DLGAP1: variants seen among roughly 807,000 people sequenced by gnomAD.
DLGAP1 encodes the protein DLG associated protein 1, also known as disks large-associated protein 1.
A neutral mutation model predicts 90.8 loss-of-function variants in DLGAP1; 11 were observed. That is an observed-to-expected ratio of 0.12 (90% CI 0.08 to 0.20). The LOEUF (loss-of-function observed/expected upper bound fraction) is 0.20, where lower values mean the gene tolerates loss of function less well. DLGAP1 is among the 10% of genes least tolerant of loss of function. The pLI is 1.00. For missense variants in DLGAP1, 1,050 were observed against 1,333.8 expected, an observed-to-expected ratio of 0.79 and a Z score of 3.31; for synonymous variants, 558 against 540.7, an observed-to-expected ratio of 1.03 and a Z score of -0.44.
chr18:3,759,383 C>G (rs1352505208), intron 5 of DLGAP1, among the ~76,000 whole-genome samples: 1 of 152,192 alleles, frequency 6.6e-6, no homozygotes, highest in Non-Finnish European at 1.5e-5. Context: ...TGGAATAACC[C>G]ATTTTAGTTA....
chr18:3,680,044 C>T (rs2060456023), intron 7 of DLGAP1: 1 of 152,010 alleles, frequency 6.6e-6, no homozygotes, highest in Admixed American at 6.6e-5. Context: ...AAATGTGAAC[C>T]ATTTCTCAAG....
chr18:3,991,209 A>G (rs2149051563), intron 3 of DLGAP1, among the ~76,000 whole-genome samples: 1 of 152,270 alleles, frequency 6.6e-6, no homozygotes, highest in East Asian at 1.9e-4. Context: ...CATTTCCTGT[A>G]TCTCTAAAGC....
At position 3,814,041 on chromosome 18, in the gene DLGAP1, A is replaced by C. The variant is rs770539020; in HGVS notation, c.1172+18T>G. 8.7e-6 allele frequency: 14 copies of C among 1,611,844 alleles called. No homozygotes were observed. Among genetic ancestry groups the C allele is most frequent in the African/African-American group, 2.7e-5 (2 of 75,016 alleles). On this transcript the variant is annotated intron_variant, in intron 5 of 12. Transcript: ENST00000315677. ...CAAGCACCTGGACTATCGCAAGTGC[A>C]GGGTTAGGACTACTCACTTGAGTGT...
intron 1 of DLGAP1, among the ~76,000 whole-genome samples, chr18:4,387,487 A>AT (rs1234037117): frequency 2.0e-5 from 3 of 152,214 alleles, no homozygotes; most frequent in African/African-American, 7.2e-5. Context: ...CATGACTATT[A>AT]TGCTGCTTAT....
intron 10 of DLGAP1, among the ~76,000 whole-genome samples, chr18:3,531,126 T>C (rs1317843223): frequency 1.3e-5 from 2 of 152,182 alleles, no homozygotes; most frequent in Admixed American, 1.3e-4. Context: ...TGATTTATAG[T>C]AGATGTTAAA....
chr18:4,055,349 G>A (rs140200610), intron 2 of DLGAP1, among the ~76,000 whole-genome samples: 1 of 152,180 alleles, frequency 6.6e-6, no homozygotes, highest in South Asian at 2.1e-4. Context: ...ATTGCACACC[G>A]TGAGAGTTTG....
chr18:4,157,007 T>C (rs987114259), intron 1 of DLGAP1, among the ~76,000 whole-genome samples: 1 of 152,344 alleles, frequency 6.6e-6, no homozygotes, highest in East Asian at 1.9e-4. Context: ...TCTTGATTTA[T>C]AAATGCCTCT....
chr18:3,570,789 G>A (rs918835281), intron 8 of DLGAP1, among the ~76,000 whole-genome samples: 1 of 151,678 alleles, frequency 6.6e-6, no homozygotes, highest in Non-Finnish European at 1.5e-5. Context: ...AAAAATAGCT[G>A]GGCATAGTGG....
intron 2 of DLGAP1, among the ~76,000 whole-genome samples, chr18:4,134,183 T>G (rs1244915795): frequency 6.6e-6 from 1 of 152,156 alleles, no homozygotes; most frequent in Non-Finnish European, 1.5e-5. Flanking sequence ...ATTAATACTT[T>G]TAGCCTTCAT....
At chr18:3,917,875 C>T (rs991193568) in intron 3 of DLGAP1, among the ~76,000 whole-genome samples, 16 of 152,098 alleles carry the variant, frequency 1.1e-4, no homozygotes, top group South Asian at 8.3e-4. Flanking sequence ...AAAATAAGCA[C>T]GTTTTTCTTT....
chr18:3,527,495 T>TATGAAC (rs1392445182), intron 10 of DLGAP1, among the ~76,000 whole-genome samples: 1 of 141,136 alleles, frequency 7.1e-6, no homozygotes, highest in African/African-American at 2.6e-5. Context: ...CTTACATGAA[T>TATGAAC]ATGAACATGA....
At chr18:3,600,718 A>G (rs1482310453) in intron 7 of DLGAP1, among the ~76,000 whole-genome samples, 2 of 82,136 alleles carry the variant, frequency 2.4e-5, no homozygotes, top group African/African-American at 5.9e-5. Flanking sequence ...CTATATAGAT[A>G]TAGAGATATA....
At chr18:3,901,354 T>G (rs2071778212) in intron 3 of DLGAP1, among the ~76,000 whole-genome samples, 1 of 152,178 alleles carries the variant, frequency 6.6e-6, no homozygotes, top group Admixed American at 6.5e-5. Context: ...ATTTCCTTCC[T>G]TCTCATCCTC....
In DLGAP1 at chr18:3,534,092, G is replaced by A. The variant is rs772507162; in HGVS notation, c.2479+102C>T. On this transcript the variant is annotated intron_variant, in intron 10 of 12. Coordinates refer to ENST00000315677, the MANE Select transcript of DLGAP1 (RefSeq NM_004746.4). ...CTGGTTTGGGGTGTGGAACGTCAAGGTTATACAAGTGAAGCTGGCAGAGAA... is the reference window on the plus strand; with the variant it reads ...CTGGTTTGGGGTGTGGAACGTCAAGATTATACAAGTGAAGCTGGCAGAGAA... 7 of 1,338,174 alleles carry A rather than the reference G, an allele frequency of 5.2e-6. No individual in the cohort carries two copies. The Admixed American group carries it at 6.8e-5, about 13-fold the overall frequency. The allele number at this position is 1,338,174 out of a possible 1,614,324, so 82.9% of individuals were successfully genotyped here. A position where few individuals can be genotyped will look rare whatever the true frequency, so the allele number is the denominator to read the frequency against.
At chr18:4,109,978 A>G (rs1180135278) in intron 2 of DLGAP1, among the ~76,000 whole-genome samples, 1 of 151,856 alleles carries the variant, frequency 6.6e-6, no homozygotes, top group Non-Finnish European at 1.5e-5. Flanking sequence ...ATACATACAT[A>G]TATGTTTCAC....
At chr18:3,774,629 T>G (rs2064856805) in intron 5 of DLGAP1, 1 of 152,378 alleles carries the variant, frequency 6.6e-6, no homozygotes, top group East Asian at 1.9e-4. Context: ...AGTCGTTCCA[T>G]TCGGTTATTT....
At chr18:4,114,660 A>G (rs924899427) in intron 2 of DLGAP1, among the ~76,000 whole-genome samples, 5 of 151,778 alleles carry the variant, frequency 3.3e-5, no homozygotes, top group Admixed American at 2.6e-4. Flanking sequence ...TATAATTGTT[A>G]TATTCTCCTT....
chr18:4,387,079 A>T (rs1369213829), intron 1 of DLGAP1, among the ~76,000 whole-genome samples: 1 of 152,186 alleles, frequency 6.6e-6, no homozygotes, highest in East Asian at 1.9e-4. Flanking sequence ...GGGACCACCC[A>T]TTGTGTTCTA....
At chr18:3,864,956 A>G (rs949642921) in intron 4 of DLGAP1, among the ~76,000 whole-genome samples, 1 of 151,988 alleles carries the variant, frequency 6.6e-6, no homozygotes, top group African/African-American at 2.4e-5. Flanking sequence ...AAATGGGTAA[A>G]TCTCCCAAAC....
Sources: allele counts gnomAD v4.1 joint callset (sites outside exome capture counted in the v4.1 genomes callset), GRCh38; gene constraint gnomAD v4.1.1; transcripts MANE v1.5; gene names NCBI Gene and HGNC (gene_info 2026-07-23, HGNC 2026-07-21).